The following ROBO2 variants were observed in gnomAD, a reference collection of about 807,000 sequenced individuals.
The protein encoded by ROBO2 is roundabout homolog 2.
In ROBO2, 53 loss-of-function variants were observed where a neutral mutation model predicts 160.8. That is an observed-to-expected ratio of 0.33 (90% CI 0.26 to 0.41). ROBO2 has a LOEUF of 0.41. Ranked by LOEUF, ROBO2 falls within the 10% of genes least tolerant of loss-of-function variation. ROBO2 has a pLI of 1.00. For synonymous variants in ROBO2, 664 were observed against 611.7 expected (o/e 1.09, Z -1.26); for missense variants, 1,577 against 1,722.4 (o/e 0.92, Z 1.49).
intron 2 of ROBO2, among the ~76,000 whole-genome samples, chr3:77,302,752 T>C (rs1213828248): frequency 6.6e-6 from 1 of 152,184 alleles, no homozygotes; most frequent in African/African-American, 2.4e-5. Flanking sequence ...AATGCATTAA[T>C]ATAGCTGAAA....
chr3:77,330,575 A>T (rs2065877378), intron 2 of ROBO2, among the ~76,000 whole-genome samples: 1 of 152,232 alleles, frequency 6.6e-6, no homozygotes, highest in African/African-American at 2.4e-5. Context: ...GCAGTCAGTT[A>T]TAAATGAGCT....
At chr3:76,720,085 G>A (rs2093441830) in intron 2 of ROBO2, among the ~76,000 whole-genome samples, 1 of 152,118 alleles carries the variant, frequency 6.6e-6, no homozygotes, top group Non-Finnish European at 1.5e-5. Flanking sequence ...GCCTCTGACA[G>A]GAGATTCAGT....
rs534324584 is a variant in ROBO2 at position 76,341,451 on chromosome 3, T to A, written c.109+403849T>A. Among the ~76,000 whole-genome samples, 5 of 148,118 alleles carry A rather than the reference T, an allele frequency of 3.4e-5. No homozygotes were observed. The South Asian group carries it at 8.5e-4, about 25-fold the overall frequency. ...AAAAAAAAAAAAAAAAGGAAAAATA[T>A]GTGTTTGAAGAATTACGTGTCTTGC... On this transcript the variant is annotated intron_variant, in intron 2 of 26. Coordinates refer to the ROBO2 transcript ENST00000487694.
At chr3:77,078,681 T>C (rs1347910775) in intron 1 of ROBO2, among the ~76,000 whole-genome samples, 7 of 152,144 alleles carry the variant, frequency 4.6e-5, no homozygotes, top group Admixed American at 4.6e-4. Context: ...TAGTAGCAAA[T>C]GTAAAACAGA....
chr3:77,428,497 C>A (rs2153539265), intron 2 of ROBO2, among the ~76,000 whole-genome samples: 1 of 151,182 alleles, frequency 6.6e-6, no homozygotes, highest in Non-Finnish European at 1.5e-5. Context: ...GCTGGGACTA[C>A]AGGCACCCGC....
chr3:76,605,548 T>C (rs1446072602), intron 2 of ROBO2, among the ~76,000 whole-genome samples: 1 of 152,154 alleles, frequency 6.6e-6, no homozygotes, highest in African/African-American at 2.4e-5. Context: ...AACTGTGTAA[T>C]TTGGATGTTC....
chr3:76,073,664 G>T (rs1218191628), intron 2 of ROBO2, among the ~76,000 whole-genome samples: 3 of 152,070 alleles, frequency 2.0e-5, no homozygotes, highest in Admixed American at 1.3e-4. Context: ...CATAAAAACT[G>T]AACAATACGT....
intron 2 of ROBO2, among the ~76,000 whole-genome samples, chr3:76,612,471 G>A (rs1249197178): frequency 2.6e-5 from 4 of 152,224 alleles, no homozygotes; most frequent in African/African-American, 7.2e-5. Flanking sequence ...AACACCACAT[G>A]TTCTCACTCA....
intron 5 of ROBO2, among the ~76,000 whole-genome samples, chr3:77,499,067 T>C (rs906309854): frequency 6.6e-6 from 1 of 152,234 alleles, no homozygotes; most frequent in African/African-American, 2.4e-5. Context: ...CTAAAAACAA[T>C]TGGAAACTTC....
At chr3:77,409,487 A>G (rs2076525239) in intron 2 of ROBO2, among the ~76,000 whole-genome samples, 1 of 152,150 alleles carries the variant, frequency 6.6e-6, no homozygotes, top group South Asian at 2.1e-4. Context: ...CCAAGAGAGC[A>G]TTTGCACCAT....
At chr3:76,982,091 C>T (rs945595762) in intron 2 of ROBO2, among the ~76,000 whole-genome samples, 2 of 152,034 alleles carry the variant, frequency 1.3e-5, no homozygotes, top group African/African-American at 4.8e-5. Flanking sequence ...TGGTGAAGTC[C>T]AATTTCTCTA....
intron 2 of ROBO2, among the ~76,000 whole-genome samples, chr3:76,364,784 C>T (rs1010695290): frequency 3.9e-5 from 6 of 151,968 alleles, no homozygotes; most frequent in African/African-American, 1.2e-4. Context: ...TTCATGTAGG[C>T]TGCTGATCTT....
chr3:76,914,793 C>T (rs1158782808), intron 2 of ROBO2, among the ~76,000 whole-genome samples: 2 of 152,006 alleles, frequency 1.3e-5, no homozygotes, highest in African/African-American at 4.8e-5. Context: ...ATAAAACAAG[C>T]TGACAGGAGC....
At chr3:77,300,863 T>C (rs1385099289) in intron 2 of ROBO2, among the ~76,000 whole-genome samples, 2 of 77,156 alleles carry the variant, frequency 2.6e-5, no homozygotes, top group East Asian at 4.4e-4. Flanking sequence ...TTTATTTATT[T>C]ATTTATTTAT....
chr3:77,595,028 T>C, intron 17 of ROBO2, 114 bp from the exon 19 acceptor site: 9 of 800,408 alleles, frequency 1.1e-5, no homozygotes, highest in Non-Finnish European at 1.9e-5. Flanking sequence ...TATATTTTGT[T>C]AAAATTCCCA....
chr3:76,667,909 C>G (rs998811771), intron 2 of ROBO2, among the ~76,000 whole-genome samples: 1 of 151,806 alleles, frequency 6.6e-6, no homozygotes. Flanking sequence ...GAATAAAGCA[C>G]AGTAAGTTTG....
chr3:76,248,550 G>A (rs2042439037), intron 2 of ROBO2, among the ~76,000 whole-genome samples: 1 of 151,176 alleles, frequency 6.6e-6, no homozygotes, highest in Non-Finnish European at 1.5e-5. Flanking sequence ...TAGATGACAA[G>A]TTAGTGGGTG....
intron 2 of ROBO2, among the ~76,000 whole-genome samples, chr3:77,355,864 A>G (rs755373177): frequency 7.9e-5 from 12 of 151,910 alleles, no homozygotes; most frequent in Non-Finnish European, 1.5e-4. Context: ...AGCATATATA[A>G]CCAAGTATTG....
chr3:76,248,188 G>A lies in ROBO2; in HGVS notation c.109+310586G>A, dbSNP rs376499770. Among the ~76,000 whole-genome samples, 771 of 151,094 alleles carry A rather than the reference G, an allele frequency of 5.1e-3. 9 individuals carry two copies. Among genetic ancestry groups the A allele is most frequent in the African/African-American group, 0.014 (578 of 40,598 alleles). On this transcript the variant is annotated intron_variant, in intron 2 of 26. Coordinates refer to the ROBO2 transcript ENST00000487694. ...ATCATGCTGCTATAAAGACACATGC[G>A]CACGTATGTTTATTGCGGCATTATT...
Sources: allele counts gnomAD v4.1 joint callset (sites outside exome capture counted in the v4.1 genomes callset), GRCh38; gene constraint gnomAD v4.1.1; transcripts MANE v1.5; gene names NCBI Gene and HGNC (gene_info 2026-07-23, HGNC 2026-07-21).